Variants in GALNT7 observed in about 807,000 individuals in gnomAD.
GALNT7 encodes the protein N-acetylgalactosaminyltransferase 7.
Under a neutral mutation model 82.1 loss-of-function variants are expected in GALNT7, and 60 were observed. That is an observed-to-expected ratio of 0.73 (90% confidence interval 0.59 to 0.91). The LOEUF (loss-of-function observed/expected upper bound fraction) is 0.91. Ranked by LOEUF, GALNT7 falls within the 40% of genes least tolerant of loss-of-function variation. The probability of loss-of-function intolerance (pLI) is 0.00; values close to 1 mark genes in which losing one functional copy is unlikely to be tolerated. For missense variants in GALNT7, 660 were observed against 804.2 expected (o/e 0.82, Z 2.17); for synonymous variants, 243 against 275.1 (o/e 0.88, Z 1.15).
intron 2 of GALNT7, among the ~76,000 whole-genome samples, chr4:173,260,496 T>A (rs2126764596): frequency 6.6e-6 from 1 of 152,182 alleles, no homozygotes; most frequent in South Asian, 2.1e-4. Flanking sequence ...TCAAATGTTA[T>A]TTTATGTATA....
At chr4:173,255,221 C>T (rs913341621) in intron 2 of GALNT7, among the ~76,000 whole-genome samples, 1 of 152,192 alleles carries the variant, frequency 6.6e-6, no homozygotes, top group Non-Finnish European at 1.5e-5. Flanking sequence ...CCCTCTCTCC[C>T]TGAAGTGCCT....
intron 2 of GALNT7, among the ~76,000 whole-genome samples, chr4:173,254,815 T>C (rs1226691545): frequency 1.3e-5 from 2 of 152,236 alleles, no homozygotes; most frequent in Non-Finnish European, 1.5e-5. Flanking sequence ...TGGTTTCACA[T>C]GACCCAAGAT....
At chr4:173,308,328 G>A (rs1737235973) in intron 8 of GALNT7, among the ~76,000 whole-genome samples, 1 of 152,064 alleles carries the variant, frequency 6.6e-6, no homozygotes, top group Admixed American at 6.6e-5. Context: ...TGTTCTCCAT[G>A]AATACATTTC....
intron 1 of GALNT7, among the ~76,000 whole-genome samples, chr4:173,223,217 T>G (rs1448198050): frequency 6.6e-6 from 1 of 152,230 alleles, no homozygotes; most frequent in Non-Finnish European, 1.5e-5. Context: ...CACAGTCTAT[T>G]CTGCATAGGA....
chr4:173,295,894 T>G (rs1477923814), intron 5 of GALNT7, 51 bp downstream of exon 5: 2 of 977,080 alleles, frequency 2.0e-6, no homozygotes, highest in Non-Finnish European at 3.3e-6. Flanking sequence ...AACCTTGTCC[T>G]AGAAGGGCAA....
rs1235630817 is a variant in GALNT7 at position 173,323,418 on chromosome 4, C to T, written c.*1701C>T. The T allele has an allele frequency of 6.6e-6, 1 of 152,480 alleles. No homozygotes were observed. The highest frequency in any genetic ancestry group is 2.4e-5 in the African/African-American group (1 of 41,406). The allele number at this position is 152,480 out of a possible 1,614,324, so 9.4% of individuals were successfully genotyped here. On this transcript the variant is annotated 3_prime_UTR_variant, in exon 12 of 12. Coordinates refer to ENST00000265000, the MANE Select transcript of GALNT7 (RefSeq NM_017423.3). ...TGTGATCAACCATTTTAACTTTCATCTCTAGGGATGTTTAACATTTATAAT... is the reference window on the plus strand; with the variant it reads ...TGTGATCAACCATTTTAACTTTCATTTCTAGGGATGTTTAACATTTATAAT...
At position 173,202,293 on chromosome 4, in the gene GALNT7, G is replaced by C. The variant is rs79984566; in HGVS notation, c.126+33332G>C. On this transcript the variant is annotated intron_variant, in intron 1 of 11. Coordinates refer to ENST00000265000, the MANE Select transcript of GALNT7 (RefSeq NM_017423.3). ...AAGGGTGAATGAAAATTCTCTGAAA[G>C]AGAAGTACAAATTATTGTGGGTCCA... Among the ~76,000 whole-genome samples, 61 of 152,290 alleles carry C rather than the reference G, an allele frequency of 4.0e-4. No homozygotes were observed. In the East Asian group the frequency reaches 0.011, roughly 28 times the overall value.
intron 1 of GALNT7, among the ~76,000 whole-genome samples, chr4:173,239,528 C>T (rs963005303): frequency 6.6e-6 from 1 of 152,136 alleles, no homozygotes; most frequent in Non-Finnish European, 1.5e-5. Context: ...TTCACACGTA[C>T]GAAAGCCGAA....
chr4:173,223,274 C>T (rs1022268197), intron 1 of GALNT7, among the ~76,000 whole-genome samples: 2 of 152,140 alleles, frequency 1.3e-5, no homozygotes, highest in East Asian at 3.8e-4. Flanking sequence ...CTCCCTTTTT[C>T]ACACCATATC....
intron 2 of GALNT7, among the ~76,000 whole-genome samples, chr4:173,282,898 C>T (rs1467986553): frequency 6.6e-6 from 1 of 152,098 alleles, no homozygotes. Context: ...TTTGACCTTC[C>T]CCAAAAAGGA....
intron 2 of GALNT7, among the ~76,000 whole-genome samples, chr4:173,287,571 G>T (rs1270408318): frequency 6.6e-6 from 1 of 152,192 alleles, no homozygotes; most frequent in Non-Finnish European, 1.5e-5. Context: ...GGAGGGAAAG[G>T]CTGGAGGGGC....
At chr4:173,311,768 C>G (rs1035148074) in intron 8 of GALNT7, among the ~76,000 whole-genome samples, 1 of 152,180 alleles carries the variant, frequency 6.6e-6, no homozygotes, top group African/African-American at 2.4e-5. Context: ...GGTAGGGACA[C>G]AGATCCAAAC....
intron 1 of GALNT7, among the ~76,000 whole-genome samples, chr4:173,176,316 C>T (rs1046246824): frequency 7.9e-5 from 12 of 152,058 alleles, no homozygotes; most frequent in African/African-American, 1.9e-4. Flanking sequence ...TAGTACAGTA[C>T]GGGATGAGCT....
At chr4:173,307,891 A>C (rs1042513874) in intron 8 of GALNT7, among the ~76,000 whole-genome samples, 3 of 152,076 alleles carry the variant, frequency 2.0e-5, no homozygotes, top group African/African-American at 7.2e-5. Context: ...GATGGTGGTG[A>C]ATGTTCAGAT....
chr4:173,317,577 G>T, intron 9 of GALNT7, 57 bp from the exon 10 acceptor site: 1 of 1,010,578 alleles, frequency 9.9e-7, no homozygotes, highest in South Asian at 1.3e-5. Flanking sequence ...TCTGATGCCA[G>T]AGTTCATCAA....
chr4:173,257,451 G>A (rs1248531452), intron 2 of GALNT7, among the ~76,000 whole-genome samples: 3 of 152,158 alleles, frequency 2.0e-5, no homozygotes, highest in Non-Finnish European at 4.4e-5. Flanking sequence ...AATAGATTTA[G>A]TCTTTCATCA....
In GALNT7 at chr4:173,292,186, C is replaced by T. The variant is rs1468331671; in HGVS notation, c.666C>T (p.Thr222=). Residue 222 remains threonine, a synonymous_variant, in exon 3 of 12, where the codon ACC becomes ACT. Coordinates refer to ENST00000265000, the MANE Select transcript of GALNT7 (RefSeq NM_017423.3). This position sits in a 1 kb window ranked among gnomAD's most constrained non-coding sequence, Gnocchi z 4.8. ...VIVFHNEGWS[T]LMRTVHSVIK... ...TCTTCCATAATGAAGGATGGTCAAC[C>T]CTCATGAGAACAGTCCACAGTGTAA... 1 of 1,605,214 alleles carries T rather than the reference C, an allele frequency of 6.2e-7. No individual in the cohort carries two copies. The highest frequency in any genetic ancestry group is 1.7e-5 in the Admixed American group (1 of 59,332).
chr4:173,323,579 G>T lies in GALNT7; in HGVS notation c.*1862G>T, dbSNP rs1298942152. On this transcript the variant is annotated 3_prime_UTR_variant, in exon 12 of 12. Coordinates refer to ENST00000265000, the MANE Select transcript of GALNT7 (RefSeq NM_017423.3). ...TTAACTATGCATAGGCCTAAGAAAG[G>T]TGGCAATGAACTGTGCATGTAAATT... is the stretch of plus-strand genomic sequence containing the variant. The T allele has an allele frequency of 6.6e-6, 1 of 152,556 alleles. No homozygotes were observed. Among genetic ancestry groups the T allele is most frequent in the African/African-American group, 2.4e-5 (1 of 41,454 alleles). 9.5% of individuals were successfully genotyped at this position (152,556 alleles called of 1,614,324 possible).
intron 1 of GALNT7, among the ~76,000 whole-genome samples, chr4:173,216,427 T>A (rs1733465658): frequency 6.6e-6 from 1 of 152,104 alleles, no homozygotes; most frequent in Non-Finnish European, 1.5e-5. Flanking sequence ...GAATCCTGAC[T>A]TTGTCAGTTG....
Sources: gnomAD v4.1 joint callset for allele counts (sites outside exome capture counted in the v4.1 genomes callset) on GRCh38, gnomAD v4.1.1 for gene constraint, Gnocchi (gnomAD v3.1) non-coding constraint, MANE v1.5 for transcripts, NCBI Gene and HGNC (gene_info 2026-07-23, HGNC 2026-07-21) for gene names.